The following HCN2 variants were observed in gnomAD, a reference collection of about 807,000 sequenced individuals.
The protein encoded by HCN2 is potassium/sodium hyperpolarization-activated cyclic nucleotide-gated channel 2.
A neutral mutation model predicts 52.3 loss-of-function variants in HCN2; 20 were observed. The ratio of observed to expected loss-of-function variants is 0.38; its 90% CI spans 0.27 to 0.56. HCN2 has a LOEUF of 0.56. Among genes scored for constraint, HCN2 ranks in the 20% least tolerant of loss-of-function variants. The pLI is 0.71. For synonymous variants in HCN2, 694 were observed against 537.0 expected (o/e 1.29, Z -4.04); for missense variants, 981 against 1,207.7 (o/e 0.81, Z 2.78).
chr19:607,906 C>G, intron 3 of HCN2, 58 bp from the exon 4 acceptor site: 7 of 1,390,712 alleles, frequency 5.0e-6, no homozygotes, highest in Non-Finnish European at 7.0e-6. Context: ...CCTTGAGGAC[C>G]GAGGGCTCCT....
chr19:603,287 G>T (rs796901314), intron 1 of HCN2, among the ~76,000 whole-genome samples: 2 of 88,280 alleles, frequency 2.3e-5, no homozygotes, highest in Non-Finnish European at 2.1e-5. Flanking sequence ...CCAGCCTGAG[G>T]TGTGGGCACC....
In HCN2 at chr19:617,086, C is replaced by T. The variant is rs1984000144; in HGVS notation, c.*612C>T. 27 of 597,176 alleles carry T rather than the reference C, an allele frequency of 4.5e-5. 1 individual carries two copies. The South Asian group carries it at 4.9e-4, about 11-fold the overall frequency. The allele number at this position is 597,176 out of a possible 1,614,324, so 37.0% of individuals were successfully genotyped here. On this transcript the variant is annotated 3_prime_UTR_variant, in exon 8 of 8. Transcript: ENST00000251287. ...ACTGACGAGCCGAGGCAGCAGTGCC[C>T]CCACCGTGGCCCCCCACGCCCCATT...
At chr19:594,251 G>T (rs1209288004) in intron 1 of HCN2, among the ~76,000 whole-genome samples, 3 of 152,162 alleles carry the variant, frequency 2.0e-5, no homozygotes, top group African/African-American at 7.2e-5. Flanking sequence ...AGACCTGGCG[G>T]GGTGGAGACC....
In HCN2 at chr19:616,307, G is replaced by C. The variant is rs1218322801; in HGVS notation, c.2503G>C (p.Ala835Pro). ...PSLPHGAPGP[A>P]ASTRPASSST... is the part of the protein sequence containing the mutation. The stretch of plus-strand genomic sequence containing the variant: ...GCTGCCTCACGGCGCCCCCGGCCCC[G>C]CGGCCTCCACACGCCCGGCCAGCAG... The change falls in exon 8 of 8, where the codon GCG becomes CCG. Residue 835 changes from alanine (A) to proline (P), a missense_variant. Physicochemically the swap from Ala to Pro is conservative, Grantham distance 27 (BLOSUM62 -1). Coordinates refer to ENST00000251287, the MANE Select transcript of HCN2 (RefSeq NM_001194.4). 2.7e-6 allele frequency: 3 copies of C among 1,110,684 alleles called. No homozygotes were observed. Among genetic ancestry groups the C allele is most frequent in the Middle Eastern group, 4.0e-4 (1 of 2,486 alleles). 68.8% of individuals were successfully genotyped at this position (1,110,684 alleles called of 1,614,324 possible).
At chr19:596,711 A>G (rs2144507254) in intron 1 of HCN2, among the ~76,000 whole-genome samples, 1 of 152,152 alleles carries the variant, frequency 6.6e-6, no homozygotes, top group Middle Eastern at 3.4e-3. Context: ...TGGTGGCCGG[A>G]TGGGGAAAGG....
intron 1 of HCN2, among the ~76,000 whole-genome samples, chr19:596,782 C>A (rs1983044269): frequency 6.6e-6 from 1 of 152,128 alleles, no homozygotes; most frequent in Non-Finnish European, 1.5e-5. Context: ...GGGCCTTCCC[C>A]TGACCCCAGG....
In HCN2 at chr19:616,355, A is replaced by C; in HGVS notation, c.2551A>C (p.Thr851Pro). ...ASSSTPRLGP[T>P]PAARAAAPSP... ...CAGCTCCACACCGCGCTTGGGGCCC[A>C]CGCCCGCTGCCCGGGCCGCCGCGCC... The change falls in exon 8 of 8, where the codon ACG becomes CCG. Residue 851 changes from threonine (T) to proline (P), a missense_variant. Physicochemically the swap from Thr to Pro is conservative, Grantham distance 38. This residue lies in a region of HCN2 where 368 missense variants were observed against 314.8 expected (regional missense o/e 1.17). Coordinates refer to ENST00000251287, the MANE Select transcript of HCN2 (RefSeq NM_001194.4). 8.2e-7 allele frequency: 1 copy of C among 1,213,164 alleles called. No homozygotes were observed. The highest frequency in any genetic ancestry group is 1.0e-6 in the Non-Finnish European group (1 of 964,634). 75.1% of individuals were successfully genotyped at this position (1,213,164 alleles called of 1,614,324 possible). A position where few individuals can be genotyped will look rare whatever the true frequency, so the allele number is the denominator to read the frequency against.
At position 603,567 on chromosome 19, in the gene HCN2, T is replaced by C; in HGVS notation, c.656T>C (p.Leu219Pro). Residue 219 changes from leucine to proline, a missense_variant, in exon 2 of 8, where the codon CTG becomes CCG. By Grantham distance (98) the Leu-to-Pro change is moderately conservative (BLOSUM62 -3). This residue lies in a region of HCN2 where 282 missense variants were observed against 553.8 expected (regional missense o/e 0.51). Coordinates refer to ENST00000251287, the MANE Select transcript of HCN2 (RefSeq NM_001194.4). ...AGGTTCTACTGGGACTTCACCATGCTGCTGTTCATGGTGGGAAACCTCATC... is the reference window on the plus strand; with the variant it reads ...AGGTTCTACTGGGACTTCACCATGCCGCTGTTCATGGTGGGAAACCTCATC... ...DFRFYWDFTM[L>P]LFMVGNLIII... 6.2e-7 allele frequency: 1 copy of C among 1,607,416 alleles called. No individual in the cohort carries two copies. Among genetic ancestry groups the C allele is most frequent in the Non-Finnish European group, 8.5e-7 (1 of 1,175,834 alleles).
chr19:598,024 G>T (rs1188396027), intron 1 of HCN2, among the ~76,000 whole-genome samples: 1 of 152,190 alleles, frequency 6.6e-6, no homozygotes, highest in Non-Finnish European at 1.5e-5. Context: ...AAGGTGGGAG[G>T]CAGGTCTCAA....
chr19:600,203 C>T (rs562057535), intron 1 of HCN2, among the ~76,000 whole-genome samples: 39 of 152,288 alleles, frequency 2.6e-4, no homozygotes, highest in African/African-American at 8.9e-4. Context: ...GACAGAGTCT[C>T]GCTCTGTTGC....
chr19:598,725 C>T (rs761750958), intron 1 of HCN2, among the ~76,000 whole-genome samples: 1 of 152,246 alleles, frequency 6.6e-6, no homozygotes, highest in Non-Finnish European at 1.5e-5. Flanking sequence ...CCTCAGCCTC[C>T]CGAGTAGCTG....
At chr19:614,555 C>T (rs1041929658) in intron 7 of HCN2, among the ~76,000 whole-genome samples, 20 of 152,204 alleles carry the variant, frequency 1.3e-4, no homozygotes, top group South Asian at 6.2e-4. Context: ...AAGATGTGTT[C>T]GTGGAGTGGA....
At chr19:611,247 G>A (rs76559548) in intron 5 of HCN2, among the ~76,000 whole-genome samples, 2,024 of 152,326 alleles carry the variant, frequency 0.013, 57 homozygotes, top group African/African-American at 0.046. Flanking sequence ...ATTGAGCGCC[G>A]ACTGCGTGCC....
intron 3 of HCN2, among the ~76,000 whole-genome samples, 198 bp downstream of exon 3, chr19:605,420 C>T (rs187899067): frequency 2.1e-4 from 11 of 52,684 alleles, no homozygotes; most frequent in East Asian, 1.1e-3. Flanking sequence ...GGGGAGGACT[C>T]GGGCCCTTTC....
rs1338541981 is a variant in HCN2 at position 605,150 on chromosome 19, C to G, written c.1146C>G (p.Gly382=). The change falls in exon 3 of 8, where the codon GGC becomes GGG. Residue 382 remains glycine (G), a synonymous_variant. Transcript: ENST00000251287. ...TGCTGCTGCTCTGCCACTGGGACGG[C>G]TGCCTGCAGTTCCTGGTGCCTATGC... ...SMMLLLCHWD[G]CLQFLVPMLQ... 1 of 1,611,744 alleles carries G rather than the reference C, an allele frequency of 6.2e-7. No homozygotes were observed. Among genetic ancestry groups the G allele is most frequent in the Admixed American group, 1.7e-5 (1 of 59,986 alleles).
chr19:599,847 C>CGTGTGT (rs34793549), intron 1 of HCN2, among the ~76,000 whole-genome samples: 4,457 of 133,300 alleles, frequency 0.033, 125 homozygotes, highest in Non-Finnish European at 0.047. Flanking sequence ...GAAGGGGTCC[C>CGTGTGT]GTGTGTGTGT....
chr19:602,809 G>A (rs760574571), intron 1 of HCN2, among the ~76,000 whole-genome samples: 8 of 152,224 alleles, frequency 5.3e-5, no homozygotes, highest in African/African-American at 9.6e-5. Context: ...TCAAGGACAC[G>A]GGGTCAAAGT....
intron 1 of HCN2, among the ~76,000 whole-genome samples, chr19:602,279 C>T (rs1983229968): frequency 1.9e-5 from 2 of 105,292 alleles, no homozygotes; most frequent in African/African-American, 3.6e-5. Context: ...CCTGCGTGGA[C>T]GCCCCACTCC....
At chr19:597,751 C>T (rs528307758) in intron 1 of HCN2, among the ~76,000 whole-genome samples, 23 of 149,352 alleles carry the variant, frequency 1.5e-4, no homozygotes, top group Non-Finnish European at 2.2e-4. Context: ...TTTCTAGGTC[C>T]TCCTGGTGGT....
Sources: gnomAD v4.1 joint callset for allele counts (sites outside exome capture counted in the v4.1 genomes callset) on GRCh38, gnomAD v4.1.1 for gene constraint, gnomAD v4.1.1 regional missense constraint, MANE v1.5 for transcripts, NCBI Gene and HGNC (gene_info 2026-07-23, HGNC 2026-07-21) for gene names.